The following GPATCH2 variants were observed in gnomAD, a reference collection of about 807,000 sequenced individuals.
The protein encoded by GPATCH2 is G patch domain-containing protein 2.
In GPATCH2, 51 loss-of-function variants were observed where a neutral mutation model predicts 58.0. That is an observed-to-expected ratio of 0.88 (90% confidence interval 0.70 to 1.11). The LOEUF (loss-of-function observed/expected upper bound fraction) is 1.11, where lower values mean the gene tolerates loss of function less well. Ranked by LOEUF, GPATCH2 falls within the 50% of genes most tolerant of loss-of-function variation. The pLI is 0.00. For synonymous variants in GPATCH2, 222 were observed against 218.5 expected (o/e 1.02, Z -0.14); for missense variants, 625 against 652.2 (o/e 0.96, Z 0.45).
intron 1 of GPATCH2, among the ~76,000 whole-genome samples, chr1:217,621,961 C>A (rs1669210441): frequency 6.6e-5 from 10 of 152,158 alleles, no homozygotes; most frequent in Admixed American, 6.5e-4. Context: ...TACACAAAGG[C>A]CGAAAGATCT....
chr1:217,486,599 C>T (rs1317478443), intron 8 of GPATCH2, among the ~76,000 whole-genome samples: 4 of 152,148 alleles, frequency 2.6e-5, no homozygotes, highest in Non-Finnish European at 4.4e-5. Flanking sequence ...TTCCAAAGTG[C>T]TGGGATTACA....
At chr1:217,446,502 A>G (rs1305388158) in intron 9 of GPATCH2, among the ~76,000 whole-genome samples, 1 of 152,116 alleles carries the variant, frequency 6.6e-6, no homozygotes, top group East Asian at 1.9e-4. Flanking sequence ...TTGGTATTAA[A>G]AGATATTCTA....
intron 9 of GPATCH2, among the ~76,000 whole-genome samples, chr1:217,445,004 T>C (rs1659319383): frequency 6.6e-6 from 1 of 152,074 alleles, no homozygotes; most frequent in South Asian, 2.1e-4. Context: ...TTCAAGAAGA[T>C]TATTTTCCTA....
At chr1:217,473,188 A>ACTG (rs1321935998) in intron 8 of GPATCH2, among the ~76,000 whole-genome samples, 1 of 152,084 alleles carries the variant, frequency 6.6e-6, no homozygotes, top group Admixed American at 6.5e-5. Context: ...TAAGTTGGTA[A>ACTG]CTGGTGCACA....
chr1:217,558,755 C>G (rs1232234433), intron 5 of GPATCH2, among the ~76,000 whole-genome samples: 1 of 152,018 alleles, frequency 6.6e-6, no homozygotes, highest in Non-Finnish European at 1.5e-5. Flanking sequence ...TGAGAGCAGC[C>G]TGGGCAACAG....
intron 5 of GPATCH2, among the ~76,000 whole-genome samples, chr1:217,529,250 GT>G: frequency 1.3e-5 from 2 of 152,258 alleles, no homozygotes; most frequent in Middle Eastern, 6.8e-3. Flanking sequence ...TCCTGCCATG[GT>G]TTGGATATGG....
At chr1:217,569,284 T>C (rs1405565371) in intron 5 of GPATCH2, among the ~76,000 whole-genome samples, 2 of 152,084 alleles carry the variant, frequency 1.3e-5, no homozygotes, top group Non-Finnish European at 2.9e-5. Flanking sequence ...AGGAAGGATA[T>C]GTTACTCTCT....
chr1:217,478,781 A>G (rs1291303993), intron 8 of GPATCH2, among the ~76,000 whole-genome samples: 1 of 152,174 alleles, frequency 6.6e-6, no homozygotes, highest in Non-Finnish European at 1.5e-5. Flanking sequence ...AAGGTTATAG[A>G]ACACTAAACA....
At chr1:217,617,191 AT>A (rs1571662154) in intron 2 of GPATCH2, among the ~76,000 whole-genome samples, 3 of 152,150 alleles carry the variant, frequency 2.0e-5, no homozygotes, top group Non-Finnish European at 2.9e-5. Context: ...TTTTGCTGTA[AT>A]TCTGATCCCA....
At chr1:217,451,828 A>C (rs959299252) in intron 8 of GPATCH2, among the ~76,000 whole-genome samples, 50 of 152,212 alleles carry the variant, frequency 3.3e-4, no homozygotes, top group Non-Finnish European at 7.3e-5. Context: ...TGTGAAAACC[A>C]ACTCATGAAC....
intron 1 of GPATCH2, among the ~76,000 whole-genome samples, chr1:217,629,283 T>C (rs1170383540): frequency 6.6e-6 from 1 of 152,154 alleles, no homozygotes; most frequent in Non-Finnish European, 1.5e-5. Context: ...TTCTGGAACA[T>C]ATTCATTCTG....
rs964085718 is a variant in GPATCH2, at chr1:217,597,874, C to T, written c.1098+12447G>A. On this transcript the variant is annotated intron_variant, in intron 5 of 9. Transcript: ENST00000366935. Reference sequence around the variant, plus strand: ...TACGGATAGCAACACATACAGATCCCCCAACCAAAAGGTCTAGCAAGCCCT... The same window carrying T: ...TACGGATAGCAACACATACAGATCCTCCAACCAAAAGGTCTAGCAAGCCCT... Among the ~76,000 whole-genome samples the T allele has an allele frequency of 7.0e-4, 107 of 152,260 alleles. 2 individuals carry two copies. Among genetic ancestry groups the T allele is most frequent in the African/African-American group, 2.5e-3 (103 of 41,552 alleles).
At chr1:217,466,591 C>T (rs1043439790) in intron 8 of GPATCH2, among the ~76,000 whole-genome samples, 1 of 151,814 alleles carries the variant, frequency 6.6e-6, no homozygotes, top group Non-Finnish European at 1.5e-5. Context: ...CTTATAGATA[C>T]GAACAAATGA....
At chr1:217,555,870 C>T (rs920424118) in intron 5 of GPATCH2, among the ~76,000 whole-genome samples, 9 of 152,086 alleles carry the variant, frequency 5.9e-5, no homozygotes, top group Admixed American at 1.3e-4. Context: ...TTATGAGGTA[C>T]GGATTAATAC....
chr1:217,514,713 T>C (rs910298819), intron 6 of GPATCH2, 109 bp downstream of exon 6: 49 of 546,730 alleles, frequency 9.0e-5, no homozygotes, highest in Admixed American at 2.4e-4. Context: ...ATACTTACTC[T>C]TTTTAAAAAG....
chr1:217,556,260 C>T (rs983516950), intron 5 of GPATCH2, among the ~76,000 whole-genome samples: 5 of 152,138 alleles, frequency 3.3e-5, no homozygotes, highest in African/African-American at 1.2e-4. Flanking sequence ...AACCCAGGAA[C>T]TAGAATGTTA....
intron 5 of GPATCH2, among the ~76,000 whole-genome samples, chr1:217,607,519 T>A (rs927430689): frequency 1.3e-5 from 2 of 152,168 alleles, no homozygotes; most frequent in African/African-American, 4.8e-5. Flanking sequence ...CAGCCGTAAG[T>A]TATAGTGCTA....
intron 5 of GPATCH2, among the ~76,000 whole-genome samples, chr1:217,568,218 ATAT>A (rs1265823390): frequency 2.0e-5 from 3 of 152,216 alleles, no homozygotes; most frequent in Non-Finnish European, 2.9e-5. Context: ...ACATGATGAA[ATAT>A]TATGCAACCA....
chr1:217,528,446 C>T (rs1336449540), intron 5 of GPATCH2, among the ~76,000 whole-genome samples: 1 of 152,200 alleles, frequency 6.6e-6, no homozygotes, highest in African/African-American at 2.4e-5. Flanking sequence ...GAGGCAAATC[C>T]TTCTGCCTAC....
Sources: allele counts gnomAD v4.1 joint callset (sites outside exome capture counted in the v4.1 genomes callset), GRCh38; gene constraint gnomAD v4.1.1; transcripts MANE v1.5; gene names NCBI Gene and HGNC (gene_info 2026-07-23, HGNC 2026-07-21).